The following TNFRSF12A variants were observed in gnomAD, a reference collection of about 807,000 sequenced individuals.
TNFRSF12A encodes the protein tumor necrosis factor receptor superfamily member 12A.
A neutral mutation model predicts 15.5 loss-of-function variants in TNFRSF12A; 13 were observed. The ratio of observed to expected loss-of-function variants is 0.84; its 90% CI spans 0.54 to 1.33. The LOEUF is 1.33. TNFRSF12A is among the 40% of genes most tolerant of loss of function. The pLI, the probability that TNFRSF12A is intolerant of heterozygous loss-of-function variation, is 0.00. For synonymous variants in TNFRSF12A, 89 were observed against 78.4 expected (o/e 1.14, Z -0.71); for missense variants, 174 against 173.6 (o/e 1.00, Z -0.01).
At chr16:3,020,915 C>T (rs1039280401) in intron 1 of TNFRSF12A, 3 of 463,022 alleles carry the variant, frequency 6.5e-6, no homozygotes, top group South Asian at 4.5e-5. Flanking sequence ...CCCTTCCATC[C>T]GGTGACTTCA....
At chr16:3,020,585 G>T in intron 1 of TNFRSF12A, 94 bp downstream of exon 1, 1 of 945,988 alleles carries the variant, frequency 1.1e-6, no homozygotes. Flanking sequence ...GGAACAGGCG[G>T]ATGTGGGGAT....
chr16:3,021,673 G>A lies in TNFRSF12A; in HGVS notation c.318G>A (p.Arg106=). 6.2e-7 allele frequency: 1 copy of A among 1,613,752 alleles called. No individual in the cohort carries two copies. The highest frequency in any genetic ancestry group is 1.1e-5 in the South Asian group (1 of 91,066). Residue 106 remains arginine, a synonymous_variant, in exon 3 of 4, where the codon AGG becomes AGA. Coordinates refer to ENST00000326577, the MANE Select transcript of TNFRSF12A (RefSeq NM_016639.3). ...TTTTGGTCTGGAGACGATGCCGCAG[G>A]AGAGAGAAGTTCACCAGTAAGTGTG... is the stretch of plus-strand genomic sequence containing the variant. ...SGFLVWRRCR[R]REKFTTPIEE...
Position 3,022,068 on chromosome 16 carries a change from T to G in TNFRSF12A, c.*242T>G. On this transcript the variant is annotated 3_prime_UTR_variant, in exon 4 of 4. Coordinates refer to ENST00000326577, the MANE Select transcript of TNFRSF12A (RefSeq NM_016639.3). ...CTCACGCTGGCTCACACAAAACAGC[T>G]GACACTGACTAAGGAACTGCAGCAT... 1 of 534,038 alleles carries G rather than the reference T, an allele frequency of 1.9e-6. No homozygotes were observed. The highest frequency in any genetic ancestry group is 3.3e-6 in the Non-Finnish European group (1 of 303,168). 33.1% of individuals were successfully genotyped at this position (534,038 alleles called of 1,614,324 possible). A position where few individuals can be genotyped will look rare whatever the true frequency, so the allele number is the denominator to read the frequency against.
Position 3,021,549 on chromosome 16 carries a change from C to T in TNFRSF12A, c.200-6C>T, listed in dbSNP as rs770251721. 4 of 1,599,852 alleles carry T rather than the reference C, an allele frequency of 2.5e-6. No homozygotes were observed. The highest frequency in any genetic ancestry group is 3.4e-6 in the Non-Finnish European group (4 of 1,172,986). ...GGCGAGGTCTGACTCCGAGTCCCGC[C>T]CCCAGGCGCTGCAGCACCTCCTGCC... is the stretch of plus-strand genomic sequence containing the variant. On this transcript the variant is annotated splice_polypyrimidine_tract_variant and splice_region_variant and intron_variant, in intron 2 of 3. Transcript: ENST00000326577.
In TNFRSF12A at chr16:3,022,155, G is replaced by A; in HGVS notation, c.*329G>A. 2.3e-6 allele frequency: 1 copy of A among 433,548 alleles called. No homozygotes were observed. The highest frequency in any genetic ancestry group is 4.1e-6 in the Non-Finnish European group (1 of 246,818). The allele number at this position is 433,548 out of a possible 1,614,324, so 26.9% of individuals were successfully genotyped here. ...CCCTGGGGGCCAGGCTGACTTGGGG[G>A]GCAGACTTGACACTAGGCCCCACTC... is the stretch of plus-strand genomic sequence containing the variant. On this transcript the variant is annotated 3_prime_UTR_variant, in exon 4 of 4. Coordinates refer to ENST00000326577, the MANE Select transcript of TNFRSF12A (RefSeq NM_016639.3).
chr16:3,020,448 C>G lies in TNFRSF12A; in HGVS notation c.51C>G (p.Leu17=). The G allele has an allele frequency of 7.7e-7, 1 of 1,294,788 alleles. No individual in the cohort carries two copies. Among genetic ancestry groups the G allele is most frequent in the Non-Finnish European group, 9.8e-7 (1 of 1,020,306 alleles). The allele number at this position is 1,294,788 out of a possible 1,614,324, so 80.2% of individuals were successfully genotyped here. ...RRLLRLLVLG[L]WLALLRSVAG... ...TGCTGCGGCTCCTCGTGCTGGGGCTCTGGCTGGCGTTGCTGCGCTCCGTGG... is the reference window on the plus strand; with the variant it reads ...TGCTGCGGCTCCTCGTGCTGGGGCTGTGGCTGGCGTTGCTGCGCTCCGTGG... Residue 17 remains leucine (L), a synonymous_variant, in exon 1 of 4, where the codon CTC becomes CTG. Coordinates refer to ENST00000326577, the MANE Select transcript of TNFRSF12A (RefSeq NM_016639.3).
chr16:3,021,461 G>C lies in TNFRSF12A; in HGVS notation c.200-94G>C, dbSNP rs920802979. 3.4e-6 allele frequency: 5 copies of C among 1,449,764 alleles called. No homozygotes were observed. In the African/African-American group the frequency reaches 7.1e-5, roughly 21 times the overall value. The allele number at this position is 1,449,764 out of a possible 1,614,324, so 89.8% of individuals were successfully genotyped here. A position where few individuals can be genotyped will look rare whatever the true frequency, so the allele number is the denominator to read the frequency against. ...GCTGGGAGGGGGCTCCGGTCAGGGAGGAGGCCACGTTTGGGAGAAGGCAGA... is the reference window on the plus strand; with the variant it reads ...GCTGGGAGGGGGCTCCGGTCAGGGACGAGGCCACGTTTGGGAGAAGGCAGA... On this transcript the variant is annotated intron_variant, in intron 2 of 3. Coordinates refer to ENST00000326577, the MANE Select transcript of TNFRSF12A (RefSeq NM_016639.3).
In TNFRSF12A at chr16:3,020,411, C is replaced by G. The variant is rs976516967; in HGVS notation, c.14C>G (p.Ser5Trp). 1.7e-5 allele frequency: 22 copies of G among 1,290,210 alleles called. No individual in the cohort carries two copies. The highest frequency in any genetic ancestry group is 2.1e-5 in the Non-Finnish European group (21 of 1,018,800). 79.9% of individuals were successfully genotyped at this position (1,290,210 alleles called of 1,614,324 possible). The part of the protein sequence containing the change: MARG[S>W]LRRLLRLLVL... ...AGGACGTGCACTATGGCTCGGGGCT[C>G]GCTGCGCCGGTTGCTGCGGCTCCTC... Residue 5 changes from serine to tryptophan, a missense_variant, in exon 1 of 4, where the codon TCG (serine) becomes TGG (tryptophan). Physicochemically the swap from Ser to Trp is radical, Grantham distance 177 (BLOSUM62 -3). Transcript: ENST00000326577.
chr16:3,021,109 G>C lies in TNFRSF12A; in HGVS notation c.95-106G>C, dbSNP rs1277275300. 6.7e-6 allele frequency: 4 copies of C among 597,226 alleles called. No individual in the cohort carries two copies. The South Asian group carries it at 6.7e-5, about 10-fold the overall frequency. 37.0% of individuals were successfully genotyped at this position (597,226 alleles called of 1,614,324 possible). ...TGCGGTCACCTGTGAGGAATGCGCGGGGAGGGCGCCGGTGACTCACGTTAT... is the reference window on the plus strand; with the variant it reads ...TGCGGTCACCTGTGAGGAATGCGCGCGGAGGGCGCCGGTGACTCACGTTAT... On this transcript the variant is annotated intron_variant, in intron 1 of 3. Transcript: ENST00000326577.
chr16:3,021,899 C>T lies in TNFRSF12A; in HGVS notation c.*73C>T, dbSNP rs1427071520. 2 of 1,546,216 alleles carry T rather than the reference C, an allele frequency of 1.3e-6. No homozygotes were observed. The highest frequency in any genetic ancestry group is 4.5e-5 in the East Asian group (2 of 44,142). ...TCCATTCTAGAGCCAGTCTCTGCCTCCCAGACGCGGCGGGAGCCAAGCTCC... is the reference window on the plus strand; with the variant it reads ...TCCATTCTAGAGCCAGTCTCTGCCTTCCAGACGCGGCGGGAGCCAAGCTCC... On this transcript the variant is annotated 3_prime_UTR_variant, in exon 4 of 4. Transcript: ENST00000326577.
rs916738687 is a variant in TNFRSF12A at position 3,021,556 on chromosome 16, C to T, written c.201C>T (p.Cys67=). 9 of 1,602,864 alleles carry T rather than the reference C, an allele frequency of 5.6e-6. No homozygotes were observed. The highest frequency in any genetic ancestry group is 3.4e-5 in the Admixed American group (2 of 58,670). ...ARPHSDFCLG[C]AAAPPAPFRL... ...TCTGACTCCGAGTCCCGCCCCCAGG[C>T]GCTGCAGCACCTCCTGCCCCCTTCC... Residue 67 remains cysteine, a splice_region_variant and synonymous_variant, in exon 3 of 4, where the codon TGC becomes TGT. Transcript: ENST00000326577.
chr16:3,022,136 G>T lies in TNFRSF12A; in HGVS notation c.*310G>T. The T allele has an allele frequency of 2.3e-6, 1 of 438,042 alleles. No individual in the cohort carries two copies. 27.1% of individuals were successfully genotyped at this position (438,042 alleles called of 1,614,324 possible). A position where few individuals can be genotyped will look rare whatever the true frequency, so the allele number is the denominator to read the frequency against. ...GTGCCCTCCTTCCTAGAGGCCCTGG[G>T]GGCCAGGCTGACTTGGGGGGCAGAC... On this transcript the variant is annotated 3_prime_UTR_variant, in exon 4 of 4. Transcript: ENST00000326577.
rs749742268 is a variant in TNFRSF12A at position 3,021,607 on chromosome 16, C to A, written c.252C>A (p.Gly84=). 2.5e-6 allele frequency: 4 copies of A among 1,613,344 alleles called. No individual in the cohort carries two copies. In the Admixed American group the frequency reaches 5.0e-5, roughly 20 times the overall value. ...PFRLLWPILG[G]ALSLTFVLGL... ...GGCTGCTTTGGCCCATCCTTGGGGG[C>A]GCTCTGAGCCTGACCTTCGTGCTGG... Residue 84 remains glycine (G), a synonymous_variant, in exon 3 of 4, where the codon GGC becomes GGA. Coordinates refer to ENST00000326577, the MANE Select transcript of TNFRSF12A (RefSeq NM_016639.3).
At position 3,020,481 on chromosome 16, in the gene TNFRSF12A, G is replaced by A. The variant is rs2072600046; in HGVS notation, c.84G>A (p.Glu28=). The A allele has an allele frequency of 7.7e-7, 1 of 1,294,074 alleles. No homozygotes were observed. Among genetic ancestry groups the A allele is most frequent in the African/African-American group, 1.5e-5 (1 of 66,372 alleles). 80.2% of individuals were successfully genotyped at this position (1,294,074 alleles called of 1,614,324 possible). ...WLALLRSVAG[E]QAPGTAPCSR... is the part of the protein sequence containing the mutation. Reference sequence around the variant, plus strand: ...CGTTGCTGCGCTCCGTGGCCGGGGAGCAAGCGCCAGGTACGCGGGACTCCG... The same window carrying A: ...CGTTGCTGCGCTCCGTGGCCGGGGAACAAGCGCCAGGTACGCGGGACTCCG... The change falls in exon 1 of 4, where the codon GAG becomes GAA. Residue 28 remains glutamate, a synonymous_variant. Transcript: ENST00000326577.
intron 1 of TNFRSF12A, chr16:3,020,770 G>A: frequency 2.5e-6 from 1 of 399,640 alleles, no homozygotes; most frequent in Non-Finnish European, 4.4e-6. Context: ...GTGAGTGAGG[G>A]CGGGATGTTT....
rs1329541620 is a variant in TNFRSF12A, at chr16:3,022,287, A to AC, written c.*468dup. 14 of 278,874 alleles carry AC rather than the reference A, an allele frequency of 5.0e-5. No individual in the cohort carries two copies. Among genetic ancestry groups the AC allele is most frequent in the South Asian group, 1.5e-4 (1 of 6,568 alleles). 17.3% of individuals were successfully genotyped at this position (278,874 alleles called of 1,614,324 possible). A position where few individuals can be genotyped will look rare whatever the true frequency, so the allele number is the denominator to read the frequency against. On this transcript the variant is annotated 3_prime_UTR_variant, in exon 4 of 4. Transcript: ENST00000326577. ...TAGGAGGGCTGGCCCTAAGATACAGACCCCCCCAACTCCCCAAAGCGGGGA... is the reference window on the plus strand; with the variant it reads ...TAGGAGGGCTGGCCCTAAGATACAGACCCCCCCCAACTCCCCAAAGCGGGGA...
rs2072600264 is a variant in TNFRSF12A, at chr16:3,020,510, T to TCGGGGAACCCCGGGC, written c.94+25_94+39dup. The stretch of plus-strand genomic sequence containing the variant: ...GCGCCAGGTACGCGGGACTCCGGGG[T>TCGGGGAACCCCGGGC]CGGGGAACCCCGGGCCGGGGCTCGG... On this transcript the variant is annotated intron_variant, in intron 1 of 3. Coordinates refer to ENST00000326577, the MANE Select transcript of TNFRSF12A (RefSeq NM_016639.3). 3 of 1,285,874 alleles carry TCGGGGAACCCCGGGC rather than the reference T, an allele frequency of 2.3e-6. No homozygotes were observed. The African/African-American group carries it at 4.6e-5, about 20-fold the overall frequency. 79.7% of individuals were successfully genotyped at this position (1,285,874 alleles called of 1,614,324 possible).
Position 3,021,315 on chromosome 16 carries a change from G to C in TNFRSF12A, c.195G>C (p.Leu65=). ...CRARPHSDFC[L]GCAAAPPAPF... is the part of the protein sequence containing the mutation. ...CGCGACCGCACAGCGACTTCTGCCTGGGCTGTGAGTGGGGGGCAGGGCCAG... is the reference window on the plus strand; with the variant it reads ...CGCGACCGCACAGCGACTTCTGCCTCGGCTGTGAGTGGGGGGCAGGGCCAG... Residue 65 remains leucine, a synonymous_variant, in exon 2 of 4, where the codon CTG becomes CTC. Coordinates refer to ENST00000326577, the MANE Select transcript of TNFRSF12A (RefSeq NM_016639.3). 6.3e-7 allele frequency: 1 copy of C among 1,577,472 alleles called. No individual in the cohort carries two copies. Among genetic ancestry groups the C allele is most frequent in the South Asian group, 1.1e-5 (1 of 87,672 alleles).
At chr16:3,020,953 G>A (rs2072604536) in intron 1 of TNFRSF12A, 2 of 477,730 alleles carry the variant, frequency 4.2e-6, no homozygotes, top group Non-Finnish European at 7.3e-6. Flanking sequence ...GGGAGGGACT[G>A]GGGTCGGGCC....
Sources: gnomAD v4.1 joint callset for allele counts on GRCh38, gnomAD v4.1.1 for gene constraint, MANE v1.5 for transcripts, NCBI Gene and HGNC (gene_info 2026-07-23, HGNC 2026-07-21) for gene names.